FAM186A: variants seen among roughly 807,000 people sequenced by gnomAD.
FAM186A encodes the protein protein FAM186A.
FAM186A carries 163 observed loss-of-function variants against 216.8 expected under a neutral mutation model. The ratio of observed to expected loss-of-function variants is 0.75; its 90% confidence interval spans 0.66 to 0.86. The LOEUF (loss-of-function observed/expected upper bound fraction) is 0.86. Ranked by LOEUF, FAM186A falls within the 40% of genes least tolerant of loss-of-function variation. The pLI, the probability that FAM186A is intolerant of heterozygous loss-of-function variation, is 0.00. For synonymous variants in FAM186A, 805 were observed against 1,025.3 expected, an observed-to-expected ratio of 0.79 and a Z score of 4.10; for missense variants, 2,184 against 2,746.2, an observed-to-expected ratio of 0.80 and a Z score of 4.58.
chr12:50,355,449 G>A lies in FAM186A; in HGVS notation c.1383C>T (p.Ser461=). 6.4e-7 allele frequency: 1 copy of A among 1,550,700 alleles called. No individual in the cohort carries two copies. The highest frequency in any genetic ancestry group is 8.7e-7 in the Non-Finnish European group (1 of 1,146,806). The change falls in exon 4 of 8, where the codon AGC becomes AGT. Residue 461 remains serine, a synonymous_variant. Coordinates refer to ENST00000327337, the MANE Select transcript of FAM186A (RefSeq NM_001145475.3). The stretch of plus-strand genomic sequence containing the variant: ...CATATACATATGTGGCTTTTTTGTG[G>A]CTTCTTTTCCATGATTGATACTCAT... ...ETDEYQSWKR[S]HKKATYVYET...
At chr12:50,344,056 A>AT (rs58651736) in intron 4 of FAM186A, among the ~76,000 whole-genome samples, 11,538 of 111,968 alleles carry the variant, frequency 0.1, 880 homozygotes, top group East Asian at 0.33. Context: ...CAGCCAGTCT[A>AT]TTTTTTTTTT....
Position 50,353,816 on chromosome 12 carries a change from G to A in FAM186A, c.3016C>T (p.Pro1006Ser), listed in dbSNP as rs1292066702. Residue 1006 changes from proline (P) to serine (S), a missense_variant, in exon 4 of 8, where the codon CCA (proline) becomes TCA (serine). Physicochemically the swap from Pro to Ser is moderately conservative, Grantham distance 74. This residue lies in a region of FAM186A where 1,132 missense variants were observed against 1,263.4 expected (regional missense o/e 0.90). Coordinates refer to ENST00000327337, the MANE Select transcript of FAM186A (RefSeq NM_001145475.3). ...KELEKMVIQT[P>S]MTLSPRWKSV... is the part of the protein sequence containing the mutation. ...TTCCACCTGGGAGATAATGTCATTG[G>A]AGTTTGGATGACCATTTTTTCTAGC... 1.3e-6 allele frequency: 2 copies of A among 1,551,626 alleles called. No individual in the cohort carries two copies. The highest frequency in any genetic ancestry group is 2.4e-5 in the East Asian group (1 of 40,928).
chr12:50,382,000 T>A (rs1318264411), intron 1 of FAM186A, among the ~76,000 whole-genome samples: 1 of 151,700 alleles, frequency 6.6e-6, no homozygotes, highest in Non-Finnish European at 1.5e-5. Flanking sequence ...AAATCAAGCA[T>A]CCCCTTTTGA....
chr12:50,380,521 C>CAAAAAAAA (rs60955395), intron 1 of FAM186A, among the ~76,000 whole-genome samples: 19 of 76,396 alleles, frequency 2.5e-4, no homozygotes, highest in Admixed American at 8.1e-4. Flanking sequence ...ACTAAAAATA[C>CAAAAAAAA]AAAAAAAAAA....
intron 4 of FAM186A, among the ~76,000 whole-genome samples, chr12:50,343,330 C>T (rs1942782872): frequency 6.6e-6 from 1 of 152,182 alleles, no homozygotes; most frequent in South Asian, 2.1e-4. Context: ...GCATAAGCCA[C>T]CTTCCCAGCC....
chr12:50,339,733 A>G (rs927692054), intron 4 of FAM186A, among the ~76,000 whole-genome samples: 12 of 114,318 alleles, frequency 1.0e-4, no homozygotes, highest in African/African-American at 3.8e-4. Flanking sequence ...ATTAGCCACA[A>G]AGTACTTTAC....
In FAM186A at chr12:50,350,372, A is replaced by G; in HGVS notation, c.6460T>C (p.Leu2154=). 6.4e-7 allele frequency: 1 copy of G among 1,550,950 alleles called. No individual in the cohort carries two copies. Among genetic ancestry groups the G allele is most frequent in the Non-Finnish European group, 8.7e-7 (1 of 1,146,776 alleles). ...LHMDTVQLGY[L]FRKYIAYRLI... ...CTATAGGCAATGTACTTGCGGAATA[A>G]GTATCCCAACTGAACTGTGTCCATA... Residue 2154 remains leucine, a synonymous_variant, in exon 4 of 8, where the codon TTA becomes CTA. Coordinates refer to ENST00000327337, the MANE Select transcript of FAM186A (RefSeq NM_001145475.3).
intron 1 of FAM186A, among the ~76,000 whole-genome samples, chr12:50,378,618 G>GTATA (rs58153912): frequency 7.3e-6 from 1 of 137,808 alleles, no homozygotes; most frequent in African/African-American, 3.1e-5. Context: ...TATGTAAATT[G>GTATA]TATATATATA....
intron 1 of FAM186A, among the ~76,000 whole-genome samples, chr12:50,395,869 C>A (rs113815822): frequency 5.2e-4 from 79 of 152,190 alleles, no homozygotes; most frequent in African/African-American, 1.9e-3. Context: ...TCAAGCAATT[C>A]TCCTACCTCA....
intron 1 of FAM186A, among the ~76,000 whole-genome samples, chr12:50,389,067 A>G (rs4768863): frequency 6.6e-6 from 1 of 151,970 alleles, no homozygotes; most frequent in Non-Finnish European, 1.5e-5. Context: ...TTTAAAAAAA[A>G]GAAAAAAGAA....
chr12:50,384,616 A>G lies in FAM186A; in HGVS notation c.192+11677T>C, dbSNP rs12315378. Among the ~76,000 whole-genome samples the G allele has an allele frequency of 2.1e-3, 314 of 152,274 alleles. 1 individual carries two copies. Among genetic ancestry groups the G allele is most frequent in the African/African-American group, 6.6e-3 (275 of 41,572 alleles). On this transcript the variant is annotated intron_variant, in intron 1 of 7. Transcript: ENST00000327337. The stretch of plus-strand genomic sequence containing the variant: ...AACAGATACATTAGACCAATGGAAC[A>G]GAGTAGAGGGCCCAGAAATAAATCC...
chr12:50,357,311 C>A (rs1942987576), intron 3 of FAM186A, among the ~76,000 whole-genome samples: 1 of 151,630 alleles, frequency 6.6e-6, no homozygotes, highest in African/African-American at 2.4e-5. Flanking sequence ...GAGTTCGTGA[C>A]CAGCCTGGCC....
intron 1 of FAM186A, among the ~76,000 whole-genome samples, chr12:50,373,682 AAC>A (rs1465286923): frequency 6.6e-6 from 1 of 152,186 alleles, no homozygotes; most frequent in Non-Finnish European, 1.5e-5. Context: ...GAGAAATAGG[AAC>A]ACTTTTACAC....
rs1207470177 is a variant in FAM186A at position 50,354,059 on chromosome 12, G to T, written c.2773C>A (p.Leu925Met). 6.4e-6 allele frequency: 10 copies of T among 1,551,526 alleles called. No individual in the cohort carries two copies. The highest frequency in any genetic ancestry group is 7.8e-6 in the Non-Finnish European group (9 of 1,146,994). Residue 925 changes from leucine to methionine, a missense_variant, in exon 4 of 8, where the codon CTG becomes ATG. Leu to Met is a conservative substitution (Grantham distance 15, BLOSUM62 2). Transcript: ENST00000327337. ...TTCATTTTTTGGGTCCCTTCTTCCA[G>T]CCGCTGCAGGCTTGACTTTGGAAGC... ...EELPKSSLQR[L>M]EEGTQKMKTQ... is the part of the protein sequence containing the mutation.
At chr12:50,342,631 C>T (rs543582632) in intron 4 of FAM186A, among the ~76,000 whole-genome samples, 5 of 151,770 alleles carry the variant, frequency 3.3e-5, no homozygotes, top group African/African-American at 7.2e-5. Flanking sequence ...CATGCTACCA[C>T]ATCTGTCTAG....
At position 50,353,058 on chromosome 12, in the gene FAM186A, C is replaced by T. The variant is rs907418175; in HGVS notation, c.3774G>A (p.Lys1258=). 1 of 1,535,784 alleles carries T rather than the reference C, an allele frequency of 6.5e-7. No individual in the cohort carries two copies. The highest frequency in any genetic ancestry group is 1.4e-5 in the African/African-American group (1 of 70,444). ...AQALGITLTP[K]QVQELGIPLT... Reference sequence around the variant, plus strand: ...GAGGGATCCCCAGTTCCTGAACCTGCTTAGGGGTGAGAGTGATTCCGAGAG... The same window carrying T: ...GAGGGATCCCCAGTTCCTGAACCTGTTTAGGGGTGAGAGTGATTCCGAGAG... Residue 1258 remains lysine (K), a synonymous_variant, in exon 4 of 8, where the codon AAG becomes AAA. Coordinates refer to ENST00000327337, the MANE Select transcript of FAM186A (RefSeq NM_001145475.3).
At chr12:50,392,861 C>T (rs11169408) in intron 1 of FAM186A, among the ~76,000 whole-genome samples, 5 of 140,506 alleles carry the variant, frequency 3.6e-5, no homozygotes, top group African/African-American at 8.0e-5. Context: ...TCCGCCCGCC[C>T]CAGCCTCCCA....
chr12:50,363,460 G>A, intron 1 of FAM186A, 96 bp from the exon 2 acceptor site: 1 of 1,045,478 alleles, frequency 9.6e-7, no homozygotes, highest in South Asian at 1.7e-5. Context: ...TTAATTTAAA[G>A]CTATCCAATT....
In FAM186A at chr12:50,364,835, C is replaced by T. The variant is rs1009229875; in HGVS notation, c.193-1471G>A. ...GGTGGATCACCTGAGGTCAGGAGTT[C>T]GAGACCAGCCTGGCCAGCATGGTGA... On this transcript the variant is annotated intron_variant, in intron 1 of 7. Coordinates refer to ENST00000327337, the MANE Select transcript of FAM186A (RefSeq NM_001145475.3). Among the ~76,000 whole-genome samples the T allele has an allele frequency of 3.3e-5, 5 of 151,436 alleles. 1 individual carries two copies. The South Asian group carries it at 6.2e-4, about 19-fold the overall frequency.
Sources: gnomAD v4.1 joint callset for allele counts (sites outside exome capture counted in the v4.1 genomes callset) on GRCh38, gnomAD v4.1.1 for gene constraint, gnomAD v4.1.1 regional missense constraint, MANE v1.5 for transcripts, NCBI Gene and HGNC (gene_info 2026-07-23, HGNC 2026-07-21) for gene names.